The following FAM169A variants were observed in gnomAD, a reference collection of about 807,000 sequenced individuals.
FAM169A encodes the protein soluble lamin-associated protein of 75 kDa.
Under a neutral mutation model 75.7 loss-of-function variants are expected in FAM169A, and 24 were observed. The ratio of observed to expected loss-of-function variants is 0.32; its 90% confidence interval spans 0.23 to 0.45. The LOEUF (loss-of-function observed/expected upper bound fraction) is 0.45, where lower values mean the gene tolerates loss of function less well. FAM169A is among the 20% of genes least tolerant of loss of function. FAM169A has a pLI of 1.00. For missense variants in FAM169A, 673 were observed against 784.0 expected, an observed-to-expected ratio of 0.86 and a Z score of 1.69; for synonymous variants, 271 against 271.0, an observed-to-expected ratio of 1.00 and a Z score of 0.00.
At chr5:74,841,156 C>T (rs1056035093) in intron 2 of FAM169A, among the ~76,000 whole-genome samples, 4 of 152,146 alleles carry the variant, frequency 2.6e-5, no homozygotes, top group African/African-American at 9.6e-5. Flanking sequence ...TTTGATTTTA[C>T]TTTTTTAGAA....
At chr5:74,865,072 C>G (rs910437302) in intron 1 of FAM169A, among the ~76,000 whole-genome samples, 22 of 152,222 alleles carry the variant, frequency 1.4e-4, no homozygotes, top group Non-Finnish European at 3.1e-4. Context: ...GTGCATTATG[C>G]AACAGCCAGC....
At chr5:74,799,692 C>T in intron 10 of FAM169A, 1 of 1,264,062 alleles carries the variant, frequency 7.9e-7, no homozygotes, top group Non-Finnish European at 1.2e-6. Flanking sequence ...CTGCTGATGC[C>T]TCAAAAAGTG....
chr5:74,822,263 T>C (rs941883744), intron 5 of FAM169A, among the ~76,000 whole-genome samples: 2 of 152,216 alleles, frequency 1.3e-5, no homozygotes, highest in African/African-American at 2.4e-5. Flanking sequence ...GGAAAAGGAA[T>C]GCATCTTAAC....
chr5:74,781,486 C>T lies in FAM169A; in HGVS notation c.1987G>A (p.Ala663Thr). Residue 663 changes from alanine to threonine, a missense_variant, in exon 13 of 13, where the codon GCT becomes ACT. Physicochemically the swap from Ala to Thr is moderately conservative, Grantham distance 58. This residue lies in a region of FAM169A where 510 missense variants were observed against 550.9 expected (regional missense o/e 0.93). Coordinates refer to ENST00000687041, the MANE Select transcript of FAM169A (RefSeq NM_001376049.1). The part of the protein sequence containing the change: ...RRKAKGHKGP[A>T]KKKAKLT ...CAGGTCAGCTTAGCTTTCTTCTTAG[C>T]AGGTCCTTTATGCCCTTTGGCCTTT... 6.2e-7 allele frequency: 1 copy of T among 1,614,042 alleles called. No individual in the cohort carries two copies. The highest frequency in any genetic ancestry group is 8.5e-7 in the Non-Finnish European group (1 of 1,179,952).
chr5:74,784,742 C>T (rs1400210113), intron 11 of FAM169A, among the ~76,000 whole-genome samples: 1 of 149,916 alleles, frequency 6.7e-6, no homozygotes, highest in East Asian at 2.0e-4. Context: ...CATGGTGAAA[C>T]TCCGTCTCTA....
At chr5:74,798,875 T>C in intron 10 of FAM169A, 1 of 536,240 alleles carries the variant, frequency 1.9e-6, no homozygotes, top group South Asian at 1.8e-5. Context: ...ATTGAGGGTA[T>C]TTTAAAACTG....
intron 6 of FAM169A, among the ~76,000 whole-genome samples, chr5:74,807,359 T>C (rs777842482): frequency 1.3e-5 from 2 of 152,192 alleles, no homozygotes; most frequent in African/African-American, 4.8e-5. Flanking sequence ...CAGTACTCTG[T>C]AGAGTATTGG....
At position 74,866,362 on chromosome 5, in the gene FAM169A, C is replaced by T. The variant is rs1018526044; in HGVS notation, c.-201G>A. On this transcript the variant is annotated 5_prime_UTR_variant, in exon 1 of 13. Transcript: ENST00000687041. Reference sequence around the variant, plus strand: ...TCGTCGCGGGTCGGCCGCGGCCCACCGTGCCCTCCGACGACGTGACGCACT... The same window carrying T: ...TCGTCGCGGGTCGGCCGCGGCCCACTGTGCCCTCCGACGACGTGACGCACT... 240 of 984,460 alleles carry T rather than the reference C, an allele frequency of 2.4e-4. No individual in the cohort carries two copies. Among genetic ancestry groups the T allele is most frequent in the Non-Finnish European group, 2.4e-4 (203 of 829,610 alleles). The allele number at this position is 984,460 out of a possible 1,614,324, so 61.0% of individuals were successfully genotyped here.
intron 1 of FAM169A, among the ~76,000 whole-genome samples, chr5:74,853,701 ATTTT>A (rs34017579): frequency 1.8e-5 from 2 of 110,190 alleles, no homozygotes; most frequent in African/African-American, 3.9e-5. Context: ...CATCTTCAGA[ATTTT>A]TTTTTTTTTT....
chr5:74,839,969 A>G, intron 3 of FAM169A, 105 bp downstream of exon 3: 1 of 571,412 alleles, frequency 1.8e-6, no homozygotes, highest in Middle Eastern at 4.2e-4. Context: ...AATTTGAAAC[A>G]CTTTAAAAAA....
At chr5:74,799,811 C>A in intron 10 of FAM169A, 1 of 1,083,556 alleles carries the variant, frequency 9.2e-7, no homozygotes, top group African/African-American at 1.5e-5. Context: ...TGCTCTTGAA[C>A]TACGATGACC....
intron 6 of FAM169A, among the ~76,000 whole-genome samples, chr5:74,807,942 C>A (rs1395351268): frequency 6.6e-6 from 1 of 152,148 alleles, no homozygotes; most frequent in African/African-American, 2.4e-5. Context: ...CATGGTGAAA[C>A]CCCATCTCTA....
chr5:74,786,940 T>A (rs1483277402), intron 11 of FAM169A, among the ~76,000 whole-genome samples: 1 of 152,128 alleles, frequency 6.6e-6, no homozygotes, highest in Non-Finnish European at 1.5e-5. Context: ...TAAACTCTGA[T>A]GAGACTTTTT....
Position 74,828,021 on chromosome 5 carries a change from A to G in FAM169A, c.490+6405T>C, listed in dbSNP as rs114122875. Among the ~76,000 whole-genome samples the G allele has an allele frequency of 3.6e-3, 545 of 152,186 alleles. 5 individuals are homozygous for G. The highest frequency in any genetic ancestry group is 0.013 in the African/African-American group (523 of 41,534). ...AGTTCATGAATTACTTACTACCAGA[A>G]TGAGACAAAGTTCAGCATTAATCCT... On this transcript the variant is annotated intron_variant, in intron 5 of 12. Coordinates refer to ENST00000687041, the MANE Select transcript of FAM169A (RefSeq NM_001376049.1).
chr5:74,836,823 C>A (rs2112658961), intron 4 of FAM169A, among the ~76,000 whole-genome samples: 1 of 152,200 alleles, frequency 6.6e-6, no homozygotes, highest in Admixed American at 6.5e-5. Context: ...TGGCACACAC[C>A]TGTAGTCCCA....
chr5:74,814,820 C>A (rs1025111215), intron 5 of FAM169A, among the ~76,000 whole-genome samples: 2 of 152,142 alleles, frequency 1.3e-5, no homozygotes, highest in African/African-American at 4.8e-5. Flanking sequence ...GTTGAGGGAA[C>A]GTGGTGGTGT....
At chr5:74,848,943 T>C (rs1431348981) in intron 1 of FAM169A, 1 of 152,182 alleles carries the variant, frequency 6.6e-6, no homozygotes, top group Non-Finnish European at 1.5e-5. Context: ...GATCAAATTC[T>C]GTCAAGTACT....
At chr5:74,839,973 T>TAA (rs374128756) in intron 3 of FAM169A, 101 bp downstream of exon 3, 27 of 507,666 alleles carry the variant, frequency 5.3e-5, no homozygotes, top group South Asian at 2.4e-4. Context: ...TGAAACACTT[T>TAA]AAAAAAAAAA....
At chr5:74,861,082 A>T (rs1189977239) in intron 1 of FAM169A, among the ~76,000 whole-genome samples, 1 of 152,182 alleles carries the variant, frequency 6.6e-6, no homozygotes, top group Non-Finnish European at 1.5e-5. Flanking sequence ...CCTTGCGGTG[A>T]GCTGAGATTG....
Sources: gnomAD v4.1 joint callset for allele counts (sites outside exome capture counted in the v4.1 genomes callset) on GRCh38, gnomAD v4.1.1 for gene constraint, gnomAD v4.1.1 regional missense constraint, MANE v1.5 for transcripts, NCBI Gene and HGNC (gene_info 2026-07-23, HGNC 2026-07-21) for gene names.